The following BRIP1 variants were observed in gnomAD, a reference collection of about 807,000 sequenced individuals.
BRIP1 encodes the protein Fanconi anemia group J protein.
A neutral mutation model predicts 119.7 loss-of-function variants in BRIP1; 88 were observed. The observed-to-expected ratio is 0.74, with a 90% confidence interval of 0.62 to 0.88. BRIP1 has a LOEUF of 0.88. Among genes scored for constraint, BRIP1 ranks in the 40% least tolerant of loss-of-function variants. The pLI is 0.00. For synonymous variants in BRIP1, 443 were observed against 496.5 expected (o/e 0.89, Z 1.43); for missense variants, 1,259 against 1,455.4 (o/e 0.87, Z 2.20).
rs777079928 is a variant in BRIP1 at position 61,801,482 on chromosome 17, C to A, written c.919-8G>T. The stretch of plus-strand genomic sequence containing the variant: ...AAAATAGCAGGATTTTCCCTAGAAA[C>A]AAATATGCATAACTGAAATGTGAAC... On this transcript the variant is annotated splice_polypyrimidine_tract_variant and splice_region_variant and intron_variant, in intron 7 of 19. Transcript: ENST00000259008. The A allele has an allele frequency of 5.1e-6, 8 of 1,572,944 alleles. No individual in the cohort carries two copies. The highest frequency in any genetic ancestry group is 7.0e-6 in the Non-Finnish European group (8 of 1,143,142).
At chr17:61,817,344 A>G (rs1215228315) in intron 6 of BRIP1, among the ~76,000 whole-genome samples, 8 of 152,202 alleles carry the variant, frequency 5.3e-5, no homozygotes, top group Non-Finnish European at 5.9e-5. Context: ...AAAAAACCCT[A>G]TCTCTTGAGA....
Position 61,699,615 on chromosome 17 carries a change from T to C in BRIP1, c.2493-6103A>G, listed in dbSNP as rs2061582018. Among the ~76,000 whole-genome samples the C allele has an allele frequency of 6.6e-6, 1 of 152,212 alleles. No individual in the cohort carries two copies. Among genetic ancestry groups the C allele is most frequent in the South Asian group, 2.1e-4 (1 of 4,834 alleles). On this transcript the variant is annotated intron_variant, in intron 17 of 19. Transcript: ENST00000259008. The surrounding 1 kb of genome is among the most constrained non-coding windows in gnomAD (Gnocchi z 4.8). The stretch of plus-strand genomic sequence containing the variant: ...ATAAATTATATCTTTAAACATTGTA[T>C]GCTGGTGCAGAAGAATTAACATTGT...
Position 61,793,831 on chromosome 17 carries a change from AT to A in BRIP1, c.1341-103del. On this transcript the variant is annotated intron_variant, in intron 9 of 19. Coordinates refer to ENST00000259008, the MANE Select transcript of BRIP1 (RefSeq NM_032043.3). The surrounding 1 kb of genome is among the most constrained non-coding windows in gnomAD (Gnocchi z 5.2). Reference sequence around the variant, plus strand: ...ATTATTGTCATGCGTTGATCTGTATATCTTGACATTCTTAGGACATGAATGT... The same window carrying A: ...ATTATTGTCATGCGTTGATCTGTATACTTGACATTCTTAGGACATGAATGT... The A allele has an allele frequency of 8.2e-7, 1 of 1,224,468 alleles. No homozygotes were observed. Among genetic ancestry groups the A allele is most frequent in the Non-Finnish European group, 1.1e-6 (1 of 896,340 alleles). The allele number at this position is 1,224,468 out of a possible 1,614,324, so 75.9% of individuals were successfully genotyped here. A position where few individuals can be genotyped will look rare whatever the true frequency, so the allele number is the denominator to read the frequency against.
At chr17:61,692,306 G>A (rs549594231) in intron 18 of BRIP1, among the ~76,000 whole-genome samples, 7 of 152,150 alleles carry the variant, frequency 4.6e-5, no homozygotes, top group Non-Finnish European at 8.8e-5. Flanking sequence ...ATTAGACAAG[G>A]AAGACCATGT....
chr17:61,731,974 TTTCTTTC>T (rs1258409514), intron 16 of BRIP1, among the ~76,000 whole-genome samples: 8 of 137,988 alleles, frequency 5.8e-5, no homozygotes, highest in South Asian at 4.8e-4. Context: ...TCTTTCTTTC[TTTCTTTC>T]TTTTTTTTTT....
rs1167576860 is a variant in BRIP1, at chr17:61,691,380, G to T, written c.2575+2050C>A. Among the ~76,000 whole-genome samples the T allele has an allele frequency of 6.6e-6, 1 of 152,058 alleles. No individual in the cohort carries two copies. Among genetic ancestry groups the T allele is most frequent in the African/African-American group, 2.4e-5 (1 of 41,418 alleles). ...TAAAACATTGCTGAAAAACAGTAAA[G>T]ATAACACAAATAAATGGAAAGATAT... On this transcript the variant is annotated intron_variant, in intron 18 of 19. Transcript: ENST00000259008. The surrounding 1 kb of genome is among the most constrained non-coding windows in gnomAD (Gnocchi z 5.0).
At position 61,807,086 on chromosome 17, in the gene BRIP1, G is replaced by A. The variant is rs2078085210; in HGVS notation, c.918+1381C>T. On this transcript the variant is annotated intron_variant, in intron 7 of 19. Transcript: ENST00000259008. The surrounding 1 kb of genome is among the most constrained non-coding windows in gnomAD (Gnocchi z 4.5). The stretch of plus-strand genomic sequence containing the variant: ...GGTGACAATGCCAGCAAGTCTTCTT[G>A]CATAGGCTATATAGCCAAAAAATAA... Among the ~76,000 whole-genome samples, 3 of 152,188 alleles carry A rather than the reference G, an allele frequency of 2.0e-5. No homozygotes were observed. The highest frequency in any genetic ancestry group is 2.0e-4 in the Admixed American group (3 of 15,290).
rs551265650 is a variant in BRIP1, at chr17:61,862,002, G to C, written c.-30-433C>G. 2 of 188,750 alleles carry C rather than the reference G, an allele frequency of 1.1e-5. No homozygotes were observed. Among genetic ancestry groups the C allele is most frequent in the Admixed American group, 1.1e-4 (2 of 18,466 alleles). 11.7% of individuals were successfully genotyped at this position (188,750 alleles called of 1,614,324 possible). A position where few individuals can be genotyped will look rare whatever the true frequency, so the allele number is the denominator to read the frequency against. The stretch of plus-strand genomic sequence containing the variant: ...CTGAGGCCTCTCTCTCTACAACTCC[G>C]TAGCATCACTCTTTCTCCAGTTCTT... On this transcript the variant is annotated intron_variant, in intron 1 of 19. Transcript: ENST00000259008. The surrounding 1 kb of genome is among the most constrained non-coding windows in gnomAD (Gnocchi z 5.3).
In BRIP1 at chr17:61,683,366, T is replaced by A. The variant is rs755069935; in HGVS notation, c.3680A>T (p.His1227Leu). The change falls in exon 20 of 20, where the codon CAT (histidine) becomes CTT (leucine). Residue 1227 changes from histidine (H) to leucine (L), a missense_variant. This residue lies in a region of BRIP1 where 753 missense variants were observed against 891.8 expected (regional missense o/e 0.84). Coordinates refer to ENST00000259008, the MANE Select transcript of BRIP1 (RefSeq NM_032043.3). The surrounding 1 kb of genome is among the most constrained non-coding windows in gnomAD (Gnocchi z 4.7). ...TTTAAAGTTCTTTATTTCTATTTCATGAGTTTTTCCCAGTTCCAGTTCATT... is the reference window on the plus strand; with the variant it reads ...TTTAAAGTTCTTTATTTCTATTTCAAGAGTTTTTCCCAGTTCCAGTTCATT... ...WINELELGKT[H>L]EIEIKNFKPS... 1 of 1,611,684 alleles carries A rather than the reference T, an allele frequency of 6.2e-7. No homozygotes were observed. Among genetic ancestry groups the A allele is most frequent in the Non-Finnish European group, 8.5e-7 (1 of 1,178,510 alleles).
chr17:61,707,947 A>G (rs545803375), intron 17 of BRIP1, among the ~76,000 whole-genome samples: 1 of 151,968 alleles, frequency 6.6e-6, no homozygotes, highest in South Asian at 2.1e-4. Flanking sequence ...CCCAGGTTCA[A>G]GTGATTCTCC....
At chr17:61,818,150 C>T in intron 6 of BRIP1, among the ~76,000 whole-genome samples, 1 of 128,804 alleles carries the variant, frequency 7.8e-6, no homozygotes, top group Non-Finnish European at 1.5e-5. Flanking sequence ...CTTGGGAGTT[C>T]GAGACCAGCC....
chr17:61,723,383 T>C (rs1042665269), intron 16 of BRIP1, among the ~76,000 whole-genome samples: 1 of 152,212 alleles, frequency 6.6e-6, no homozygotes, highest in Non-Finnish European at 1.5e-5. Context: ...ATAGTTTCAA[T>C]GTGCACCACC....
chr17:61,756,855 G>C lies in BRIP1; in HGVS notation c.2098-12264C>G, dbSNP rs1426477764. 6.6e-6 allele frequency among the ~76,000 whole-genome samples: 1 copy of C among 152,042 alleles called. No individual in the cohort carries two copies. Among genetic ancestry groups the C allele is most frequent in the Non-Finnish European group, 1.5e-5 (1 of 67,980 alleles). ...CCCAGTCCTCTGGAAAATGTTTTTT[G>C]GCATGTGTTTAACTTTATAATATTG... is the stretch of plus-strand genomic sequence containing the variant. On this transcript the variant is annotated intron_variant, in intron 14 of 19. Coordinates refer to ENST00000259008, the MANE Select transcript of BRIP1 (RefSeq NM_032043.3). The surrounding 1 kb of genome is among the most constrained non-coding windows in gnomAD (Gnocchi z 4.3).
Position 61,684,050 on chromosome 17 carries a change from CTCTT to C in BRIP1, c.2992_2995del (p.Lys998GlufsTer60), listed in dbSNP as rs786203717. The C allele has an allele frequency of 2.8e-5, 45 of 1,613,720 alleles. No individual in the cohort carries two copies. The highest frequency in any genetic ancestry group is 3.2e-5 in the Non-Finnish European group (38 of 1,179,966). On this transcript the variant is annotated frameshift_variant, in exon 20 of 20. Transcript: ENST00000259008. LOFTEE classifies it low-confidence loss of function (END_TRUNC). The surrounding 1 kb of genome is among the most constrained non-coding windows in gnomAD (Gnocchi z 4.5). ...AGAATTAAAGCTTGACCAGCTAACT[CTCTT>C]TGTTTGTTTGTTGAAAGTTGGGCTT...
rs1396777637 is a variant in BRIP1 at position 61,845,887 on chromosome 17, T to C, written c.627+1214A>G. Among the ~76,000 whole-genome samples the C allele has an allele frequency of 6.6e-6, 1 of 152,246 alleles. No individual in the cohort carries two copies. The highest frequency in any genetic ancestry group is 1.5e-5 in the Non-Finnish European group (1 of 68,044). ...GACATTCTTAAATGAAACTGGTTTT[T>C]TTTCAAAACTGTGATCTAATGATGC... On this transcript the variant is annotated intron_variant, in intron 6 of 19. Coordinates refer to ENST00000259008, the MANE Select transcript of BRIP1 (RefSeq NM_032043.3). The surrounding 1 kb of genome is among the most constrained non-coding windows in gnomAD (Gnocchi z 4.2).
At chr17:61,801,179 C>T (rs2077984290) in intron 8 of BRIP1, 74 bp downstream of exon 8, 1 of 1,415,310 alleles carries the variant, frequency 7.1e-7, no homozygotes, top group East Asian at 2.3e-5. Flanking sequence ...ATTAAAACAT[C>T]TAAAAGCTTT....
In BRIP1 at chr17:61,758,540, A is replaced by C. The variant is rs1246237507; in HGVS notation, c.2098-13949T>G. On this transcript the variant is annotated intron_variant, in intron 14 of 19. Transcript: ENST00000259008. The surrounding 1 kb of genome is among the most constrained non-coding windows in gnomAD (Gnocchi z 5.3). Reference sequence around the variant, plus strand: ...GCATCGCTTCACAATCTAGTGAATAAGATCCAAAAGAAAAATATTTAAATT... The same window carrying C: ...GCATCGCTTCACAATCTAGTGAATACGATCCAAAAGAAAAATATTTAAATT... Among the ~76,000 whole-genome samples the C allele has an allele frequency of 5.3e-5, 8 of 152,350 alleles. No individual in the cohort carries two copies. The East Asian group carries it at 1.5e-3, about 29-fold the overall frequency.
rs1603311072 is a variant in BRIP1 at position 61,761,238 on chromosome 17, T to C, written c.2097+15163A>G. On this transcript the variant is annotated intron_variant, in intron 14 of 19. Transcript: ENST00000259008. The surrounding 1 kb of genome is among the most constrained non-coding windows in gnomAD (Gnocchi z 6.4). ...AGAAAAACTTTTACTAAATTAGGTATAGAAGAAATGTACTGCATATTTGGC... is the reference window on the plus strand; with the variant it reads ...AGAAAAACTTTTACTAAATTAGGTACAGAAGAAATGTACTGCATATTTGGC... Among the ~76,000 whole-genome samples the C allele has an allele frequency of 6.6e-6, 1 of 152,076 alleles. No homozygotes were observed. The highest frequency in any genetic ancestry group is 1.5e-5 in the Non-Finnish European group (1 of 67,886).
Position 61,683,242 on chromosome 17 carries a change from A to G in BRIP1, c.*54T>C. ...ATTTACAAATTATTACTTACAACAG[A>G]GTTTAACATAAGCATGATGACATAT... On this transcript the variant is annotated 3_prime_UTR_variant, in exon 20 of 20. Coordinates refer to ENST00000259008, the MANE Select transcript of BRIP1 (RefSeq NM_032043.3). This position sits in a 1 kb window ranked among gnomAD's most constrained non-coding sequence, Gnocchi z 4.7. 6.5e-7 allele frequency: 1 copy of G among 1,534,552 alleles called. No homozygotes were observed. Among genetic ancestry groups the G allele is most frequent in the Non-Finnish European group, 8.9e-7 (1 of 1,118,188 alleles).
Sources: allele counts gnomAD v4.1 joint callset (sites outside exome capture counted in the v4.1 genomes callset), GRCh38; gene constraint gnomAD v4.1.1; regional missense constraint gnomAD v4.1.1; non-coding constraint Gnocchi (gnomAD v3.1); transcripts MANE v1.5; gene names NCBI Gene and HGNC (gene_info 2026-07-23, HGNC 2026-07-21).